Variants in DUSP5 observed in about 807,000 individuals in gnomAD.
DUSP5 encodes dual specificity protein phosphatase 5.
A neutral mutation model predicts 33.6 loss-of-function variants in DUSP5; 22 were observed. The ratio of observed to expected loss-of-function variants is 0.66; its 90% CI spans 0.47 to 0.94. DUSP5 has a LOEUF of 0.94. Ranked by LOEUF, DUSP5 falls within the 40% of genes least tolerant of loss-of-function variation. The probability of loss-of-function intolerance (pLI) is 0.00; values close to 1 mark genes in which losing one functional copy is unlikely to be tolerated. For synonymous variants in DUSP5, 270 were observed against 231.1 expected (o/e 1.17, Z -1.53); for missense variants, 551 against 522.1 (o/e 1.06, Z -0.54).
chr10:110,510,116 A>G lies in DUSP5; in HGVS notation c.845A>G (p.Lys282Arg), dbSNP rs745402177. The part of the protein sequence containing the change: ...TICMAYLMKT[K>R]QFRLKEAFDY... Reference sequence around the variant, plus strand: ...TGCATGGCTTACCTTATGAAGACCAAGCAGTTCCGCCTGAAGGAGGCCTTC... The same window carrying G: ...TGCATGGCTTACCTTATGAAGACCAGGCAGTTCCGCCTGAAGGAGGCCTTC... Residue 282 changes from lysine (K) to arginine (R), a missense_variant, in exon 4 of 4, where the codon AAG becomes AGG. Physicochemically the swap from Lys to Arg is conservative, Grantham distance 26 (BLOSUM62 2). Transcript: ENST00000369583. 22 of 1,614,182 alleles carry G rather than the reference A, an allele frequency of 1.4e-5. 1 individual carries two copies. In the South Asian group the frequency reaches 2.0e-4, roughly 14 times the overall value.
In DUSP5 at chr10:110,498,213, A is replaced by G. The variant is rs150515026; in HGVS notation, c.92A>G (p.Tyr31Cys). The change falls in exon 1 of 4, where the codon TAT becomes TGT. Residue 31 changes from tyrosine to cysteine, a missense_variant. Coordinates refer to ENST00000369583, the MANE Select transcript of DUSP5 (RefSeq NM_004419.4). ...ARCVVLDCRP[Y>C]LAFAASNVRG... is the part of the protein sequence containing the mutation. ...TGCGTGGTGCTCGACTGCCGGCCCT[A>G]TCTGGCCTTCGCTGCCTCGAACGTG... is the stretch of plus-strand genomic sequence containing the variant. The G allele has an allele frequency of 2.7e-3, 4,118 of 1,509,800 alleles. 13 individuals are homozygous for G. Among genetic ancestry groups the G allele is most frequent in the Non-Finnish European group, 3.0e-3 (3,348 of 1,129,088 alleles). The allele number at this position is 1,509,800 out of a possible 1,614,324, so 93.5% of individuals were successfully genotyped here.
At chr10:110,509,547 A>AT (rs1249394560) in intron 3 of DUSP5, among the ~76,000 whole-genome samples, 2 of 152,188 alleles carry the variant, frequency 1.3e-5, no homozygotes, top group Admixed American at 6.5e-5. Flanking sequence ...GAGAGACAAG[A>AT]GTTGCTTCTC....
rs559992124 is a variant in DUSP5, at chr10:110,510,544, T to C, written c.*118T>C. 2.9e-5 allele frequency: 38 copies of C among 1,311,544 alleles called. No homozygotes were observed. In the African/African-American group the frequency reaches 5.7e-4, roughly 20 times the overall value. 81.2% of individuals were successfully genotyped at this position (1,311,544 alleles called of 1,614,324 possible). A position where few individuals can be genotyped will look rare whatever the true frequency, so the allele number is the denominator to read the frequency against. The stretch of plus-strand genomic sequence containing the variant: ...ACCTCATTCTGTCATGCTGCCCCAG[T>C]GAGATAGTGAGTGGTCACCAGGCTT... On this transcript the variant is annotated 3_prime_UTR_variant, in exon 4 of 4. Transcript: ENST00000369583.
intron 1 of DUSP5, 69 bp from the exon 2 acceptor site, chr10:110,502,652 A>G (rs184100334): frequency 5.2e-6 from 8 of 1,549,130 alleles, no homozygotes; most frequent in South Asian, 3.5e-5. Flanking sequence ...TTGATTAACT[A>G]TGGGTATTTT....
chr10:110,506,287 C>A (rs1042233902), intron 2 of DUSP5, among the ~76,000 whole-genome samples: 2 of 152,074 alleles, frequency 1.3e-5, no homozygotes, highest in Non-Finnish European at 2.9e-5. Flanking sequence ...ATAAAATTAG[C>A]CAGGCATGGT....
chr10:110,509,011 A>G (rs534171048), intron 3 of DUSP5, among the ~76,000 whole-genome samples: 13 of 152,362 alleles, frequency 8.5e-5, no homozygotes, highest in South Asian at 6.2e-4. Flanking sequence ...TGGCCCTTCA[A>G]AATCGTAAAT....
At position 110,502,797 on chromosome 10, in the gene DUSP5, G is replaced by A. The variant is rs1407400612; in HGVS notation, c.456G>A (p.Glu152=). The change falls in exon 2 of 4, where the codon GAG becomes GAA. Residue 152 remains glutamate, a synonymous_variant. Coordinates refer to ENST00000369583, the MANE Select transcript of DUSP5 (RefSeq NM_004419.4). ...DVKPISQEKI[E]SERALISQCG... is the part of the protein sequence containing the mutation. ...AACCCATTTCACAAGAGAAGATTGA[G>A]AGTGAGAGAGCCCTCATCAGCCAGT... 1.2e-6 allele frequency: 2 copies of A among 1,614,074 alleles called. No individual in the cohort carries two copies. Among genetic ancestry groups the A allele is most frequent in the African/African-American group, 2.7e-5 (2 of 74,932 alleles).
At chr10:110,500,251 A>G (rs144845976) in intron 1 of DUSP5, among the ~76,000 whole-genome samples, 471 of 152,294 alleles carry the variant, frequency 3.1e-3, no homozygotes, top group African/African-American at 9.7e-3. Context: ...TGTCTGTTTC[A>G]CATTGAACCG....
intron 1 of DUSP5, among the ~76,000 whole-genome samples, chr10:110,500,840 C>T (rs757165531): frequency 3.3e-5 from 5 of 152,198 alleles, no homozygotes; most frequent in Non-Finnish European, 5.9e-5. Flanking sequence ...TGGAGGATTC[C>T]TCTGAATCCC....
chr10:110,507,246 T>A, intron 3 of DUSP5, 92 bp downstream of exon 3: 1 of 1,332,758 alleles, frequency 7.5e-7, no homozygotes, highest in Non-Finnish European at 1.0e-6. Context: ...CTACCTTCAC[T>A]GAAAGAAAAG....
In DUSP5 at chr10:110,507,116, A is replaced by C. The variant is rs765623824; in HGVS notation, c.710A>C (p.Asp237Ala). 4.3e-5 allele frequency: 69 copies of C among 1,614,122 alleles called. No individual in the cohort carries two copies. The highest frequency in any genetic ancestry group is 5.6e-5 in the Non-Finnish European group (66 of 1,180,048). ...CCTGTGGAAGACAGCCACACGGCTG[A>C]CATTAGCTCCCACTTTCAAGAAGCA... ...WIPVEDSHTA[D>A]ISSHFQEAID... Residue 237 changes from aspartate (D) to alanine (A), a missense_variant, in exon 3 of 4, where the codon GAC (aspartate) becomes GCC (alanine). By Grantham distance (126) the Asp-to-Ala change is moderately radical. Around this residue, in one of 3 missense-constraint regions of DUSP5, gnomAD observed 12 missense variants for 29.9 expected, o/e 0.40. Coordinates refer to ENST00000369583, the MANE Select transcript of DUSP5 (RefSeq NM_004419.4).
chr10:110,506,830 G>C, intron 2 of DUSP5, 105 bp from the exon 3 acceptor site: 1 of 1,264,208 alleles, frequency 7.9e-7, no homozygotes, highest in Non-Finnish European at 1.1e-6. Context: ...AACCAGAAAG[G>C]GAACCACCCA....
chr10:110,499,743 G>T (rs147328410), intron 1 of DUSP5, among the ~76,000 whole-genome samples: 4,552 of 152,290 alleles, frequency 0.03, 106 homozygotes, highest in Non-Finnish European at 0.047. Context: ...GGGATAGAGG[G>T]TTGGCCCTCT....
At chr10:110,507,769 G>A (rs899652020) in intron 3 of DUSP5, among the ~76,000 whole-genome samples, 14 of 152,212 alleles carry the variant, frequency 9.2e-5, no homozygotes, top group Non-Finnish European at 1.9e-4. Context: ...CCTGAAAACC[G>A]AGGCCTTGGC....
At chr10:110,506,860 C>G (rs531250196) in intron 2 of DUSP5, 75 bp from the exon 3 acceptor site, 1 of 1,464,496 alleles carries the variant, frequency 6.8e-7, no homozygotes, top group Non-Finnish European at 9.5e-7. Flanking sequence ...ACAAATAGGT[C>G]GGAGTTGTTT....
chr10:110,510,001 C>A lies in DUSP5; in HGVS notation c.749-19C>A. The A allele has an allele frequency of 6.4e-7, 1 of 1,561,800 alleles. No homozygotes were observed. Among genetic ancestry groups the A allele is most frequent in the Non-Finnish European group, 8.7e-7 (1 of 1,150,848 alleles). ...GATTCTAATCCCAACTCACTCCCAC[C>A]ATCTTTTCTTCCTTCCAGACTGTGT... On this transcript the variant is annotated intron_variant, in intron 3 of 3. Coordinates refer to ENST00000369583, the MANE Select transcript of DUSP5 (RefSeq NM_004419.4).
rs1168081175 is a variant in DUSP5 at position 110,510,263 on chromosome 10, G to A, written c.992G>A (p.Gly331Glu). 3 of 1,613,966 alleles carry A rather than the reference G, an allele frequency of 1.9e-6. No individual in the cohort carries two copies. Among genetic ancestry groups the A allele is most frequent in the Non-Finnish European group, 2.5e-6 (3 of 1,180,036 alleles). ...AACCCCCAGCCTCCCTCCTGCCAAGGGGAGGCAGCAGGCTCTTCACTGATA... is the reference window on the plus strand; with the variant it reads ...AACCCCCAGCCTCCCTCCTGCCAAGAGGAGGCAGCAGGCTCTTCACTGATA... ...TPNPQPPSCQ[G>E]EAAGSSLIGH... is the part of the protein sequence containing the mutation. The change falls in exon 4 of 4, where the codon GGG becomes GAG. Residue 331 changes from glycine (G) to glutamate (E), a missense_variant. This residue lies in a region of DUSP5 where 158 missense variants were observed against 181.8 expected (regional missense o/e 0.87). Transcript: ENST00000369583.
chr10:110,508,736 CTG>C (rs1231966602), intron 3 of DUSP5, among the ~76,000 whole-genome samples: 1 of 152,326 alleles, frequency 6.6e-6, no homozygotes, highest in South Asian at 2.1e-4. Context: ...GAGCCCGACT[CTG>C]TAATTCTAGG....
rs754545204 is a variant in DUSP5 at position 110,510,409 on chromosome 10, A to G, written c.1138A>G (p.Thr380Ala). ...VSELSRSPVA[T>A]ATSC ...AGAGCTCAGCAGAAGCCCTGTGGCAACGGCCACATCCTGCTAAAACTGGGA... is the reference window on the plus strand; with the variant it reads ...AGAGCTCAGCAGAAGCCCTGTGGCAGCGGCCACATCCTGCTAAAACTGGGA... The change falls in exon 4 of 4, where the codon ACG (threonine) becomes GCG (alanine). Residue 380 changes from threonine to alanine, a missense_variant. Thr to Ala is a moderately conservative substitution (Grantham distance 58, BLOSUM62 0). Transcript: ENST00000369583. The G allele has an allele frequency of 2.5e-6, 4 of 1,596,478 alleles. No homozygotes were observed. Among genetic ancestry groups the G allele is most frequent in the South Asian group, 2.2e-5 (2 of 89,286 alleles).
Sources: allele counts gnomAD v4.1 joint callset (sites outside exome capture counted in the v4.1 genomes callset), GRCh38; gene constraint gnomAD v4.1.1; regional missense constraint gnomAD v4.1.1; transcripts MANE v1.5; gene names NCBI Gene and HGNC (gene_info 2026-07-23, HGNC 2026-07-21).